The following SEC23A variants were observed in gnomAD, a reference collection of about 807,000 sequenced individuals.
SEC23A encodes protein transport protein Sec23A.
A neutral mutation model predicts 103.7 loss-of-function variants in SEC23A; 56 were observed. That is an observed-to-expected ratio of 0.54 (90% CI 0.44 to 0.67). The LOEUF (loss-of-function observed/expected upper bound fraction) is 0.67. SEC23A is among the 30% of genes least tolerant of loss of function. The pLI is 0.00. For missense variants in SEC23A, 784 were observed against 936.4 expected (o/e 0.84, Z 2.12); for synonymous variants, 281 against 293.0 (o/e 0.96, Z 0.42).
chr14:39,088,328 G>A (rs916738157), intron 5 of SEC23A: 8 of 152,214 alleles, frequency 5.3e-5, no homozygotes, highest in African/African-American at 1.9e-4. Flanking sequence ...CAGGCGCAGT[G>A]AATCACAGCT....
At chr14:39,095,670 A>C (rs1243244208) in intron 2 of SEC23A, among the ~76,000 whole-genome samples, 1 of 152,144 alleles carries the variant, frequency 6.6e-6, no homozygotes, top group Non-Finnish European at 1.5e-5. Flanking sequence ...CACTGATGGA[A>C]TCTAACAGTT....
At chr14:39,043,948 T>C (rs1010178797) in intron 16 of SEC23A, among the ~76,000 whole-genome samples, 4 of 152,166 alleles carry the variant, frequency 2.6e-5, no homozygotes, top group African/African-American at 9.7e-5. Context: ...AACAAATAAC[T>C]TTTTTGAGTT....
In SEC23A at chr14:39,074,472, G is replaced by T. The variant is rs1400918714; in HGVS notation, c.1046C>A (p.Ala349Glu). 6.2e-7 allele frequency: 1 copy of T among 1,613,428 alleles called. No homozygotes were observed. The highest frequency in any genetic ancestry group is 8.5e-7 in the Non-Finnish European group (1 of 1,179,650). Residue 349 changes from alanine to glutamate, a missense_variant, in exon 9 of 20, where the codon GCG becomes GAG. Coordinates refer to ENST00000307712, the MANE Select transcript of SEC23A (RefSeq NM_006364.4). ...ATTGHVIDIY[A>E]CALDQTGLLE... ...GAGACCTGTCTGATCTAATGCACAC[G>T]CATAGATATCAATAACATGGCCAGT...
chr14:39,093,766 T>G (rs1054240584), intron 2 of SEC23A, among the ~76,000 whole-genome samples: 2 of 152,140 alleles, frequency 1.3e-5, no homozygotes, highest in Non-Finnish European at 2.9e-5. Context: ...CTCAAAAATA[T>G]ATATATGCAC....
At chr14:39,085,184 A>C (rs1376009883) in intron 7 of SEC23A, among the ~76,000 whole-genome samples, 2 of 152,220 alleles carry the variant, frequency 1.3e-5, no homozygotes. Flanking sequence ...GAGAGCTTCC[A>C]GACAAATGAA....
intron 13 of SEC23A, among the ~76,000 whole-genome samples, chr14:39,060,678 A>G (rs1350457224): frequency 2.6e-5 from 4 of 152,238 alleles, no homozygotes; most frequent in Non-Finnish European, 5.9e-5. Context: ...CAGAGATACC[A>G]AAGTAGCAGA....
At chr14:39,066,025 A>C (rs1423897594) in intron 10 of SEC23A, among the ~76,000 whole-genome samples, 3 of 130,788 alleles carry the variant, frequency 2.3e-5, no homozygotes, top group East Asian at 2.4e-4. Flanking sequence ...AAAAAAAAAA[A>C]AAAAAAAACT....
At chr14:39,099,634 G>A (rs1047533870) in intron 1 of SEC23A, among the ~76,000 whole-genome samples, 5 of 152,032 alleles carry the variant, frequency 3.3e-5, no homozygotes, top group African/African-American at 9.7e-5. Context: ...CTTCCAAACC[G>A]TCAATTTGTG....
rs540308819 is a variant in SEC23A at position 39,052,552 on chromosome 14, CAT to C, written c.1659+2589_1659+2590del. Among the ~76,000 whole-genome samples, 4 of 152,238 alleles carry C rather than the reference CAT, an allele frequency of 2.6e-5. No individual in the cohort carries two copies. The South Asian group carries it at 8.3e-4, about 32-fold the overall frequency. Reference sequence around the variant, plus strand: ...CAAGTTGTACTGTTCAATTTTGTGTCATATGTGACAACCTACCAATTCAGCAA... The same window carrying C: ...CAAGTTGTACTGTTCAATTTTGTGTCATGTGACAACCTACCAATTCAGCAA... On this transcript the variant is annotated intron_variant, in intron 14 of 19. Transcript: ENST00000307712.
At chr14:39,080,037 A>G (rs1887169797) in intron 7 of SEC23A, among the ~76,000 whole-genome samples, 3 of 152,142 alleles carry the variant, frequency 2.0e-5, no homozygotes, top group Admixed American at 2.0e-4. Flanking sequence ...TGTAAAGCTG[A>G]AAAAATGAAG....
Position 39,047,003 on chromosome 14 carries a change from G to A in SEC23A, c.1737+1649C>T, listed in dbSNP as rs1462532257. On this transcript the variant is annotated intron_variant, in intron 15 of 19. Transcript: ENST00000307712. The stretch of plus-strand genomic sequence containing the variant: ...ATCCATAATTCATTGAGAGGCTCTT[G>A]CATCCCTTACTACTTCAGTCATTCT... Among the ~76,000 whole-genome samples the A allele has an allele frequency of 7.9e-5, 12 of 152,290 alleles. No homozygotes were observed. The East Asian group carries it at 2.3e-3, about 29-fold the overall frequency.
At chr14:39,090,521 T>C (rs904577960) in intron 5 of SEC23A, among the ~76,000 whole-genome samples, 1 of 152,158 alleles carries the variant, frequency 6.6e-6, no homozygotes, top group Admixed American at 6.6e-5. Context: ...CTAAAAAACA[T>C]ATGTAACCAT....
intron 5 of SEC23A, 100 bp from the exon 6 acceptor site, chr14:39,087,108 C>CA (rs959406965): frequency 2.5e-5 from 19 of 756,708 alleles, no homozygotes; most frequent in Non-Finnish European, 4.4e-5. Context: ...ATTAGAAACA[C>CA]AAAAATAAAA....
intron 14 of SEC23A, 128 bp downstream of exon 14, chr14:39,055,015 T>C (rs891955038): frequency 4.7e-5 from 49 of 1,048,420 alleles, no homozygotes; most frequent in Admixed American, 5.9e-5. Context: ...TCTCAGTAAT[T>C]TGAATAGGAG....
Position 39,085,827 on chromosome 14 carries a change from G to A in SEC23A, c.763C>T (p.Pro255Ser), listed in dbSNP as rs765231047. ...GAACGCAAAGGTCTCTTTCCCTGTGGTACAGGCCAAGGGTCTCGCTGGAGT... is the reference window on the plus strand; with the variant it reads ...GAACGCAAAGGTCTCTTTCCCTGTGATACAGGCCAAGGGTCTCGCTGGAGT... ...GELQRDPWPV[P>S]QGKRPLRSSG... The change falls in exon 7 of 20, where the codon CCA becomes TCA. Residue 255 changes from proline (P) to serine (S), a missense_variant. By Grantham distance (74) the Pro-to-Ser change is moderately conservative. Around this residue, in one of 2 missense-constraint regions of SEC23A, gnomAD observed 683 missense variants for 774.2 expected, o/e 0.88. Coordinates refer to ENST00000307712, the MANE Select transcript of SEC23A (RefSeq NM_006364.4). 1.2e-6 allele frequency: 2 copies of A among 1,613,718 alleles called. No individual in the cohort carries two copies. The highest frequency in any genetic ancestry group is 2.2e-5 in the East Asian group (1 of 44,864).
chr14:39,052,087 AC>A (rs1243189140), intron 14 of SEC23A, among the ~76,000 whole-genome samples: 17 of 152,294 alleles, frequency 1.1e-4, no homozygotes, highest in Admixed American at 2.6e-4. Flanking sequence ...GCTCTCACTT[AC>A]AAGTGGGAGC....
Position 39,094,438 on chromosome 14 carries a change from ATATATTTTTTTTTT to A in SEC23A, c.222-1208_222-1195del, listed in dbSNP as rs1566515385. On this transcript the variant is annotated intron_variant, in intron 2 of 19. Transcript: ENST00000307712. ...TATATATATATATATATATATATATATATATTTTTTTTTTTTTTTTTTCCCCTCCTGTAGAAATG... is the reference window on the plus strand; with the variant it reads ...TATATATATATATATATATATATATATTTTTTTTCCCCTCCTGTAGAAATG... Among the ~76,000 whole-genome samples the A allele has an allele frequency of 2.6e-4, 4 of 15,672 alleles. No homozygotes were observed. The East Asian group carries it at 6.6e-3, about 26-fold the overall frequency. 10.3% of individuals were successfully genotyped at this position (15,672 alleles called of 152,430 possible).
At chr14:39,098,122 A>G (rs1443343649) in intron 1 of SEC23A, among the ~76,000 whole-genome samples, 2 of 152,026 alleles carry the variant, frequency 1.3e-5, no homozygotes, top group African/African-American at 4.8e-5. Context: ...GAAGGTAAAT[A>G]TAGAAGGCAG....
chr14:39,058,009 ATAC>A (rs1886306111), intron 13 of SEC23A, among the ~76,000 whole-genome samples: 1 of 152,246 alleles, frequency 6.6e-6, no homozygotes, highest in South Asian at 2.1e-4. Flanking sequence ...GATTAATTTG[ATAC>A]TACACATAAA....
Sources: gnomAD v4.1 joint callset for allele counts (sites outside exome capture counted in the v4.1 genomes callset) on GRCh38, gnomAD v4.1.1 for gene constraint, gnomAD v4.1.1 regional missense constraint, MANE v1.5 for transcripts, NCBI Gene and HGNC (gene_info 2026-07-23, HGNC 2026-07-21) for gene names.